The following SMARCB1 variants were observed in gnomAD, a reference collection of about 807,000 sequenced individuals.
SMARCB1 encodes SWI/SNF-related matrix-associated actin-dependent regulator of chromatin subfamily B member 1.
In SMARCB1, 5 loss-of-function variants were observed where a neutral mutation model predicts 49.0. That is an observed-to-expected ratio of 0.10 (90% CI 0.05 to 0.21). SMARCB1 has a LOEUF of 0.21. Ranked by LOEUF, SMARCB1 falls within the 10% of genes least tolerant of loss-of-function variation. The pLI is 1.00. For missense variants in SMARCB1, 226 were observed against 509.2 expected (o/e 0.44, Z 5.35); for synonymous variants, 201 against 200.1 (o/e 1.00, Z -0.04).
intron 5 of SMARCB1, among the ~76,000 whole-genome samples, chr22:23,810,544 AAAAG>A (rs1215628586): frequency 6.0e-5 from 9 of 150,622 alleles, no homozygotes; most frequent in Non-Finnish European, 1.0e-4. Flanking sequence ...AAAAAAAAAA[AAAAG>A]AAAGAAAGGA....
intron 7 of SMARCB1, among the ~76,000 whole-genome samples, chr22:23,827,594 G>GT (rs2030451962): frequency 6.6e-6 from 1 of 152,216 alleles, no homozygotes; most frequent in African/African-American, 2.4e-5. Flanking sequence ...GAGAATGCAG[G>GT]TTTCAAATCT....
At chr22:23,794,746 A>G (rs1338220678) in intron 3 of SMARCB1, among the ~76,000 whole-genome samples, 1 of 152,128 alleles carries the variant, frequency 6.6e-6, no homozygotes, top group African/African-American at 2.4e-5. Context: ...TAAAAATACA[A>G]AATTAGCCAG....
intron 6 of SMARCB1, among the ~76,000 whole-genome samples, chr22:23,819,630 C>T (rs543293723): frequency 9.9e-4 from 150 of 152,092 alleles, no homozygotes; most frequent in African/African-American, 3.5e-3. Context: ...GGTGTGAGCC[C>T]CTGTGTCTGG....
At chr22:23,809,055 G>A (rs1006195357) in intron 5 of SMARCB1, among the ~76,000 whole-genome samples, 12 of 150,768 alleles carry the variant, frequency 8.0e-5, no homozygotes, top group African/African-American at 2.7e-4. Context: ...GGATGGTCTC[G>A]ATCTCCTGAC....
chr22:23,803,093 T>C, intron 4 of SMARCB1: 1 of 678,812 alleles, frequency 1.5e-6, no homozygotes, highest in Non-Finnish European at 2.6e-6. Context: ...TGGTGCTTGT[T>C]ATTTATGGCC....
intron 7 of SMARCB1, among the ~76,000 whole-genome samples, chr22:23,829,464 G>C (rs530712764): frequency 6.6e-6 from 1 of 152,316 alleles, no homozygotes; most frequent in African/African-American, 2.4e-5. Flanking sequence ...GGGTGGGGAT[G>C]AAAAGAGACT....
rs558581825 is a variant in SMARCB1 at position 23,826,977 on chromosome 22, C to T, written c.986+1562C>T. On this transcript the variant is annotated intron_variant, in intron 7 of 8. Transcript: ENST00000644036. Reference sequence around the variant, plus strand: ...GGTGTCTGATGCCTCCCTGTTCCCTCGGGGTGTTGCCTGGGAGTGCAGCTG... The same window carrying T: ...GGTGTCTGATGCCTCCCTGTTCCCTTGGGGTGTTGCCTGGGAGTGCAGCTG... Among the ~76,000 whole-genome samples, 29 of 152,284 alleles carry T rather than the reference C, an allele frequency of 1.9e-4. No individual in the cohort carries two copies. The South Asian group carries it at 5.4e-3, about 28-fold the overall frequency.
chr22:23,820,456 C>T (rs940438065), intron 6 of SMARCB1, among the ~76,000 whole-genome samples: 5 of 152,116 alleles, frequency 3.3e-5, no homozygotes, highest in Admixed American at 1.3e-4. Context: ...CACCTGTAAT[C>T]CCAGCTACTC....
rs903263382 is a variant in SMARCB1, at chr22:23,802,318, A to G, written c.501-977A>G. ...CGTCCTCATTGCTGTCAGACCTCCC[A>G]GAGCTCCTGCCCTGCAGTTGCCTCT... On this transcript the variant is annotated intron_variant, in intron 4 of 8. Transcript: ENST00000644036. 24 of 152,736 alleles carry G rather than the reference A, an allele frequency of 1.6e-4. No individual in the cohort carries two copies. In the Admixed American group the frequency reaches 1.6e-3, roughly 10 times the overall value. 9.5% of individuals were successfully genotyped at this position (152,736 alleles called of 1,614,324 possible).
chr22:23,827,441 C>A (rs1210032577), intron 7 of SMARCB1, among the ~76,000 whole-genome samples: 1 of 152,220 alleles, frequency 6.6e-6, no homozygotes, highest in African/African-American at 2.4e-5. Flanking sequence ...CAGAGCAGAC[C>A]CCCTGGGGAG....
Position 23,836,212 on chromosome 22 carries a change from AG to A in SMARCB1, c.*2035del. The A allele has an allele frequency of 1.0e-6, 1 of 985,488 alleles. No homozygotes were observed. The highest frequency in any genetic ancestry group is 1.2e-6 in the Non-Finnish European group (1 of 829,940). 61.0% of individuals were successfully genotyped at this position (985,488 alleles called of 1,614,324 possible). On this transcript the variant is annotated 3_prime_UTR_variant, in exon 9 of 9. Transcript: ENST00000644036. Reference sequence around the variant, plus strand: ...AAACTTAGGCTCTGAGGTCATAGAAAGGGCAGAAGACCTAGTCCTGGCCCTC... The same window carrying A: ...AAACTTAGGCTCTGAGGTCATAGAAAGGCAGAAGACCTAGTCCTGGCCCTC...
chr22:23,835,153 T>A lies in SMARCB1; in HGVS notation c.*973T>A. 1.5e-6 allele frequency: 2 copies of A among 1,325,916 alleles called. No individual in the cohort carries two copies. The highest frequency in any genetic ancestry group is 1.9e-6 in the Non-Finnish European group (2 of 1,041,240). 82.1% of individuals were successfully genotyped at this position (1,325,916 alleles called of 1,614,324 possible). ...GTGCCAGCTCTTGGAGTTGACACGG[T>A]ACAGGGAGGAGACACAGCCCAGGGT... On this transcript the variant is annotated 3_prime_UTR_variant, in exon 9 of 9. Coordinates refer to ENST00000644036, the MANE Select transcript of SMARCB1 (RefSeq NM_003073.5).
At chr22:23,818,602 T>G (rs2029912793) in intron 6 of SMARCB1, 2 of 152,148 alleles carry the variant, frequency 1.3e-5, no homozygotes, top group African/African-American at 4.8e-5. Flanking sequence ...TCTCCAGAAT[T>G]CTATCATCAT....
rs199559974 is a variant in SMARCB1, at chr22:23,791,721, G to C, written c.94-35G>C. The C allele has an allele frequency of 5.0e-6, 8 of 1,610,300 alleles. No individual in the cohort carries two copies. The African/African-American group carries it at 6.7e-5, about 13-fold the overall frequency. ...ACCCTCCCCTTCCCTGTGGTGCTGC[G>C]ACCCTTATAATGAGCCTTCTTGCTT... On this transcript the variant is annotated intron_variant, in intron 1 of 8. Coordinates refer to ENST00000644036, the MANE Select transcript of SMARCB1 (RefSeq NM_003073.5).
intron 1 of SMARCB1, among the ~76,000 whole-genome samples, chr22:23,789,186 A>G (rs1474287233): frequency 6.6e-6 from 1 of 152,224 alleles, no homozygotes; most frequent in African/African-American, 2.4e-5. Flanking sequence ...ATAGGATTCA[A>G]TAAAATTTTC....
chr22:23,830,649 C>CTTTTTTT (rs56800497), intron 7 of SMARCB1, among the ~76,000 whole-genome samples: 56 of 95,408 alleles, frequency 5.9e-4, no homozygotes, highest in South Asian at 8.6e-4. Flanking sequence ...TCCAATTTAT[C>CTTTTTTT]TTTTTTTTTT....
chr22:23,817,057 G>A lies in SMARCB1; in HGVS notation c.795+121G>A, dbSNP rs9612452. 0.13 allele frequency: 102,234 copies of A among 791,700 alleles called. 7,878 individuals carry two copies. Among genetic ancestry groups the A allele is most frequent in the South Asian group, 0.27 (18,151 of 67,920 alleles). 49.0% of individuals were successfully genotyped at this position (791,700 alleles called of 1,614,324 possible). On this transcript the variant is annotated intron_variant, in intron 6 of 8. Coordinates refer to ENST00000644036, the MANE Select transcript of SMARCB1 (RefSeq NM_003073.5). ...CCGTCTTTGGGTTCCATATCATCTG[G>A]AAAGTCATAACACCTGGCTTTGCTC...
At position 23,835,994 on chromosome 22, in the gene SMARCB1, C is replaced by T. The variant is rs1423414176; in HGVS notation, c.*1814C>T. ...GACAACCTGTCTTTGGAGGAGGCCCCGTGCCACTGAGCATCCAGAAATAAA... is the reference window on the plus strand; with the variant it reads ...GACAACCTGTCTTTGGAGGAGGCCCTGTGCCACTGAGCATCCAGAAATAAA... On this transcript the variant is annotated 3_prime_UTR_variant, in exon 9 of 9. Transcript: ENST00000644036. 3.0e-6 allele frequency: 3 copies of T among 985,358 alleles called. No homozygotes were observed. Among genetic ancestry groups the T allele is most frequent in the Non-Finnish European group, 3.6e-6 (3 of 829,964 alleles). The allele number at this position is 985,358 out of a possible 1,614,324, so 61.0% of individuals were successfully genotyped here. A position where few individuals can be genotyped will look rare whatever the true frequency, so the allele number is the denominator to read the frequency against.
chr22:23,821,054 A>G (rs17003965), intron 6 of SMARCB1, among the ~76,000 whole-genome samples: 18,840 of 152,304 alleles, frequency 0.12, 1,254 homozygotes, highest in South Asian at 0.27. Flanking sequence ...GGAGCCATAC[A>G]GGAAGTTGCC....
Sources: gnomAD v4.1 joint callset for allele counts (sites outside exome capture counted in the v4.1 genomes callset) on GRCh38, gnomAD v4.1.1 for gene constraint, MANE v1.5 for transcripts, NCBI Gene and HGNC (gene_info 2026-07-23, HGNC 2026-07-21) for gene names.